The following NEK1 variants were observed in gnomAD, a reference collection of about 807,000 sequenced individuals.
The protein encoded by NEK1 is serine/threonine-protein kinase Nek1.
NEK1 carries 137 observed loss-of-function variants against 182.1 expected under a neutral mutation model. That is an observed-to-expected ratio of 0.75 (90% confidence interval 0.65 to 0.87). The LOEUF is 0.87. Ranked by LOEUF, NEK1 falls within the 40% of genes least tolerant of loss-of-function variation. NEK1 has a pLI of 0.00. For missense variants in NEK1, 1,391 were observed against 1,494.4 expected (o/e 0.93, Z 1.14); for synonymous variants, 513 against 492.2 (o/e 1.04, Z -0.56).
chr4:169,542,543 C>A (rs1759635396), intron 18 of NEK1, among the ~76,000 whole-genome samples: 1 of 152,088 alleles, frequency 6.6e-6, no homozygotes, highest in Non-Finnish European at 1.5e-5. Flanking sequence ...GGTCAAATGG[C>A]ATTTCTAGTT....
chr4:169,473,104 GA>G (rs34776787), intron 26 of NEK1, among the ~76,000 whole-genome samples: 125,097 of 149,160 alleles, frequency 0.84, 52,821 homozygotes, highest in African/African-American at 0.96. Flanking sequence ...TAACAAAAAA[GA>G]AAAAAAAAAA....
chr4:169,558,528 T>C (rs1166211917), intron 16 of NEK1, among the ~76,000 whole-genome samples: 1 of 152,228 alleles, frequency 6.6e-6, no homozygotes, highest in Non-Finnish European at 1.5e-5. Flanking sequence ...ATCATAAATA[T>C]GTACTCTTTT....
chr4:169,446,937 C>T (rs1344014054), intron 27 of NEK1, among the ~76,000 whole-genome samples: 4 of 152,062 alleles, frequency 2.6e-5, no homozygotes, highest in African/African-American at 9.7e-5. Flanking sequence ...GGAATACCTA[C>T]AAGATCTAAA....
chr4:169,405,135 G>A (rs997810418), intron 32 of NEK1, among the ~76,000 whole-genome samples: 1 of 152,196 alleles, frequency 6.6e-6, no homozygotes, highest in Non-Finnish European at 1.5e-5. Context: ...GAAGCATTCT[G>A]AGAAATGCAT....
intron 31 of NEK1, among the ~76,000 whole-genome samples, chr4:169,412,764 C>G (rs1030724739): frequency 1.3e-5 from 2 of 151,660 alleles, no homozygotes; most frequent in African/African-American, 4.8e-5. Context: ...TCTGGGAATT[C>G]TGAACATAGA....
At chr4:169,545,290 G>C (rs894939406) in intron 18 of NEK1, among the ~76,000 whole-genome samples, 5 of 148,370 alleles carry the variant, frequency 3.4e-5, no homozygotes, top group African/African-American at 1.0e-4. Context: ...ACCTATGAGT[G>C]AGAATATGCA....
chr4:169,544,172 A>C (rs1477720722), intron 18 of NEK1, among the ~76,000 whole-genome samples: 1 of 151,974 alleles, frequency 6.6e-6, no homozygotes, highest in African/African-American at 2.4e-5. Flanking sequence ...ATTATTTGGA[A>C]AGTAGGGCTG....
At chr4:169,437,403 A>C (rs1327204566) in intron 28 of NEK1, among the ~76,000 whole-genome samples, 1 of 152,092 alleles carries the variant, frequency 6.6e-6, no homozygotes, top group Non-Finnish European at 1.5e-5. Context: ...AATGAAGATA[A>C]TTTTTGGTCA....
intron 26 of NEK1, among the ~76,000 whole-genome samples, chr4:169,465,204 C>G (rs1052008398): frequency 4.6e-5 from 7 of 151,912 alleles, no homozygotes; most frequent in Admixed American, 1.3e-4. Context: ...AGAAATAGAC[C>G]CATAACTTAC....
chr4:169,489,250 A>G (rs1749617413), intron 23 of NEK1, among the ~76,000 whole-genome samples: 1 of 152,194 alleles, frequency 6.6e-6, no homozygotes, highest in African/African-American at 2.4e-5. Flanking sequence ...TGAAGGCAAT[A>G]GAAACTAACT....
intron 27 of NEK1, among the ~76,000 whole-genome samples, chr4:169,446,019 C>G (rs187467160): frequency 6.6e-6 from 1 of 151,416 alleles, no homozygotes; most frequent in East Asian, 1.9e-4. Flanking sequence ...TAGGTGGGAG[C>G]TAAAAAAATT....
intron 2 of NEK1, among the ~76,000 whole-genome samples, chr4:169,607,313 C>T (rs928825289): frequency 1.3e-5 from 2 of 152,086 alleles, no homozygotes; most frequent in African/African-American, 4.8e-5. Context: ...CAGATATAGA[C>T]TCACAAATGA....
chr4:169,605,207 T>A (rs1771133588), intron 2 of NEK1, among the ~76,000 whole-genome samples: 1 of 152,236 alleles, frequency 6.6e-6, no homozygotes, highest in African/African-American at 2.4e-5. Flanking sequence ...TGCCAATTCC[T>A]TTCTAGGGAC....
intron 23 of NEK1, among the ~76,000 whole-genome samples, chr4:169,495,408 T>A (rs1751036933): frequency 6.6e-6 from 1 of 151,906 alleles, no homozygotes; most frequent in Non-Finnish European, 1.5e-5. Context: ...CATGACCAGC[T>A]AATTTTTGTA....
chr4:169,499,100 G>A (rs910372960), intron 23 of NEK1, among the ~76,000 whole-genome samples: 7 of 152,048 alleles, frequency 4.6e-5, no homozygotes, highest in African/African-American at 1.7e-4. Flanking sequence ...GGCTTTGTTT[G>A]TTTCTTTTTA....
chr4:169,401,161 C>T (rs61405217), intron 33 of NEK1, among the ~76,000 whole-genome samples: 79,890 of 151,956 alleles, frequency 0.53, 21,395 homozygotes, highest in East Asian at 0.75. Flanking sequence ...AGTCTTTTCA[C>T]ATTAGCTTTT....
rs77908867 is a variant in NEK1, at chr4:169,442,567, C to T, written c.2588-4308G>A. On this transcript the variant is annotated intron_variant, in intron 27 of 35. Coordinates refer to ENST00000507142, the MANE Select transcript of NEK1 (RefSeq NM_001199397.3). ...AGGAAACATGATACCTCCAAAAGAA[C>T]ACGGTAATTCTCCAACAAGATTCCA... is the stretch of plus-strand genomic sequence containing the variant. 3.8e-3 allele frequency among the ~76,000 whole-genome samples: 578 copies of T among 152,282 alleles called. 2 individuals carry two copies. The Middle Eastern group carries it at 0.051, about 13-fold the overall frequency.
intron 18 of NEK1, among the ~76,000 whole-genome samples, chr4:169,548,955 GC>G (rs1234938553): frequency 6.6e-6 from 1 of 152,212 alleles, no homozygotes; most frequent in Non-Finnish European, 1.5e-5. Flanking sequence ...CCTGGCCTCA[GC>G]CCCCTTTCTA....
chr4:169,447,777 G>A (rs150759151), intron 27 of NEK1, among the ~76,000 whole-genome samples: 10,882 of 152,200 alleles, frequency 0.071, 1,277 homozygotes, highest in African/African-American at 0.25. Context: ...GCTGAGGCAG[G>A]AGAATCACTT....
Sources: allele counts gnomAD v4.1 joint callset (sites outside exome capture counted in the v4.1 genomes callset), GRCh38; gene constraint gnomAD v4.1.1; transcripts MANE v1.5; gene names NCBI Gene and HGNC (gene_info 2026-07-23, HGNC 2026-07-21).